The following PLCE1 variants were observed in gnomAD, a reference collection of about 807,000 sequenced individuals.
The protein encoded by PLCE1 is phospholipase C epsilon 1.
In PLCE1, 119 loss-of-function variants were observed where a neutral mutation model predicts 242.8. That is an observed-to-expected ratio of 0.49 (90% CI 0.42 to 0.57). The LOEUF is 0.57. Among genes scored for constraint, PLCE1 ranks in the 20% least tolerant of loss-of-function variants. The pLI is 0.00. For synonymous variants in PLCE1, 945 were observed against 1,017.4 expected (o/e 0.93, Z 1.35); for missense variants, 2,441 against 2,788.8 (o/e 0.88, Z 2.81).
At chr10:94,012,377 A>T (rs2061186337) in intron 1 of PLCE1, among the ~76,000 whole-genome samples, 1 of 151,934 alleles carries the variant, frequency 6.6e-6, no homozygotes, top group South Asian at 2.1e-4. Context: ...GGGAGTAGAA[A>T]CAGGTGACAC....
intron 2 of PLCE1, among the ~76,000 whole-genome samples, chr10:94,093,578 A>G (rs1158644056): frequency 6.6e-6 from 1 of 152,242 alleles, no homozygotes; most frequent in Non-Finnish European, 1.5e-5. Context: ...GAAGGATTTG[A>G]AAACTAATCA....
chr10:94,238,971 C>T (rs965242911), intron 7 of PLCE1, among the ~76,000 whole-genome samples: 1 of 152,142 alleles, frequency 6.6e-6, no homozygotes, highest in Non-Finnish European at 1.5e-5. Flanking sequence ...TTTGACACCA[C>T]CTCTTACTAT....
At chr10:94,054,218 C>T (rs754490858) in intron 2 of PLCE1, among the ~76,000 whole-genome samples, 36 of 152,144 alleles carry the variant, frequency 2.4e-4, no homozygotes, top group Non-Finnish European at 4.1e-4. Context: ...GTACATAATG[C>T]GGTGGTCTGC....
At chr10:94,043,495 A>G (rs1235786064) in intron 2 of PLCE1, among the ~76,000 whole-genome samples, 1 of 152,220 alleles carries the variant, frequency 6.6e-6, no homozygotes, top group Non-Finnish European at 1.5e-5. Context: ...TTAGCACCAA[A>G]TTATAAATGG....
At chr10:94,091,152 G>C (rs573173760) in intron 2 of PLCE1, among the ~76,000 whole-genome samples, 1 of 152,208 alleles carries the variant, frequency 6.6e-6, no homozygotes. Context: ...AACAATTGAG[G>C]AACAATTGCC....
chr10:94,145,918 G>A (rs926558825), intron 3 of PLCE1, among the ~76,000 whole-genome samples: 8 of 152,054 alleles, frequency 5.3e-5, no homozygotes, highest in East Asian at 1.9e-4. Context: ...TACAGGAAGC[G>A]TTCCAAGCAG....
chr10:94,055,068 CTAAA>C (rs922377242), intron 2 of PLCE1, among the ~76,000 whole-genome samples: 9 of 150,600 alleles, frequency 6.0e-5, no homozygotes, highest in African/African-American at 2.2e-4. Context: ...AAGGGCAAGC[CTAAA>C]TAGATTACAG....
chr10:94,171,701 G>T (rs1400330404), intron 4 of PLCE1, among the ~76,000 whole-genome samples: 2 of 151,918 alleles, frequency 1.3e-5, no homozygotes, highest in African/African-American at 2.4e-5. Context: ...TTGCCCTTAA[G>T]CCTAATTGAT....
chr10:94,120,802 G>A (rs1394323440), intron 2 of PLCE1: 3 of 152,328 alleles, frequency 2.0e-5, no homozygotes, highest in African/African-American at 7.2e-5. Context: ...AAAGGGAAGA[G>A]AGAGAGGGGT....
At position 94,212,342 on chromosome 10, in the gene PLCE1, C is replaced by T. The variant is rs569625275; in HGVS notation, c.1810-14964C>T. On this transcript the variant is annotated intron_variant, in intron 4 of 32. Transcript: ENST00000371380. ...TGCCATCTCAGCTCACTGCAAGCTC[C>T]GCCTCCCGGGTTCACGCCATTCTCC... Among the ~76,000 whole-genome samples, 6 of 152,210 alleles carry T rather than the reference C, an allele frequency of 3.9e-5. No homozygotes were observed. The South Asian group carries it at 6.2e-4, about 16-fold the overall frequency.
rs1205830439 is a variant in PLCE1 at position 94,332,499 on chromosome 10, G to A, written c.*4556G>A. On this transcript the variant is annotated 3_prime_UTR_variant, in exon 33 of 33. Coordinates refer to ENST00000371380, the MANE Select transcript of PLCE1 (RefSeq NM_016341.4). ...AGCTTAATATAGCCTCAGGATATGT[G>A]TGTGCCTGTGTGTGTGTGTGTGTGT... is the stretch of plus-strand genomic sequence containing the variant. The A allele has an allele frequency of 8.8e-6, 1 of 113,414 alleles. No homozygotes were observed. Among genetic ancestry groups the A allele is most frequent in the African/African-American group, 3.6e-5 (1 of 27,586 alleles). 7.0% of individuals were successfully genotyped at this position (113,414 alleles called of 1,614,324 possible).
rs182443206 is a variant in PLCE1, at chr10:94,201,561, C to T, written c.1810-25745C>T. On this transcript the variant is annotated intron_variant, in intron 4 of 32. Coordinates refer to ENST00000371380, the MANE Select transcript of PLCE1 (RefSeq NM_016341.4). ...CATGATCTCGGCTCACTGCAAGCTC[C>T]GCCTCCTGGGTTCACGCCATTCTCC... is the stretch of plus-strand genomic sequence containing the variant. Among the ~76,000 whole-genome samples, 540 of 152,266 alleles carry T rather than the reference C, an allele frequency of 3.5e-3. 6 individuals carry two copies. Among genetic ancestry groups the T allele is most frequent in the African/African-American group, 0.012 (514 of 41,550 alleles).
At chr10:94,259,243 C>T in intron 13 of PLCE1, 93 bp downstream of exon 13, 1 of 1,255,372 alleles carries the variant, frequency 8.0e-7, no homozygotes, top group Non-Finnish European at 1.2e-6. Context: ...GCCTGTCCCA[C>T]ATAGTGTGCT....
At chr10:94,232,935 G>A (rs2050193676) in intron 5 of PLCE1, among the ~76,000 whole-genome samples, 1 of 152,196 alleles carries the variant, frequency 6.6e-6, no homozygotes, top group African/African-American at 2.4e-5. Flanking sequence ...CCGGGACACA[G>A]GTCAATGTCC....
intron 30 of PLCE1, among the ~76,000 whole-genome samples, chr10:94,324,057 G>A (rs1251229190): frequency 6.6e-6 from 1 of 152,102 alleles, no homozygotes; most frequent in African/African-American, 2.4e-5. Flanking sequence ...TACTATTATA[G>A]CTGTATATAT....
intron 4 of PLCE1, among the ~76,000 whole-genome samples, chr10:94,200,994 A>T (rs1303621874): frequency 6.6e-6 from 1 of 152,230 alleles, no homozygotes; most frequent in African/African-American, 2.4e-5. Context: ...GAGCCTAAAG[A>T]GGCATGATGA....
chr10:94,237,166 C>T (rs2050352799), intron 7 of PLCE1, among the ~76,000 whole-genome samples: 1 of 152,118 alleles, frequency 6.6e-6, no homozygotes, highest in South Asian at 2.1e-4. Context: ...GGCTGAAATT[C>T]CTTCCTTAAA....
intron 8 of PLCE1, among the ~76,000 whole-genome samples, chr10:94,251,947 C>A (rs1468533846): frequency 2.0e-5 from 3 of 152,122 alleles, no homozygotes; most frequent in African/African-American, 7.2e-5. Flanking sequence ...AGATTGATAC[C>A]CTGCCCCTCT....
At chr10:94,088,718 G>C (rs907544230) in intron 2 of PLCE1, among the ~76,000 whole-genome samples, 3 of 152,172 alleles carry the variant, frequency 2.0e-5, no homozygotes, top group African/African-American at 7.2e-5. Context: ...TTATTCCCTT[G>C]ATACTGGGTT....
Sources: gnomAD v4.1 joint callset for allele counts (sites outside exome capture counted in the v4.1 genomes callset) on GRCh38, gnomAD v4.1.1 for gene constraint, MANE v1.5 for transcripts, NCBI Gene and HGNC (gene_info 2026-07-23, HGNC 2026-07-21) for gene names.